The following CACNA2D3 variants were observed in gnomAD, a reference collection of about 807,000 sequenced individuals.
The protein encoded by CACNA2D3 is voltage-dependent calcium channel subunit alpha-2/delta-3.
In CACNA2D3, 60 loss-of-function variants were observed where a neutral mutation model predicts 160.6. That is an observed-to-expected ratio of 0.37 (90% CI 0.30 to 0.46). CACNA2D3 has a LOEUF of 0.46. Among genes scored for constraint, CACNA2D3 ranks in the 20% least tolerant of loss-of-function variants. CACNA2D3 has a pLI of 1.00. For synonymous variants in CACNA2D3, 558 were observed against 492.9 expected, an observed-to-expected ratio of 1.13 and a Z score of -1.75; for missense variants, 1,205 against 1,365.0, an observed-to-expected ratio of 0.88 and a Z score of 1.85.
intron 3 of CACNA2D3, among the ~76,000 whole-genome samples, chr3:54,354,469 A>C (rs1440711948): frequency 6.6e-6 from 1 of 152,158 alleles, no homozygotes; most frequent in Non-Finnish European, 1.5e-5. Context: ...ATTTAAAAAA[A>C]ATGACAAACA....
chr3:55,041,386 A>T (rs1424000711), intron 35 of CACNA2D3, among the ~76,000 whole-genome samples: 1 of 152,216 alleles, frequency 6.6e-6, no homozygotes, highest in Non-Finnish European at 1.5e-5. Flanking sequence ...CTAGTAATGT[A>T]TGCAAGTACC....
intron 5 of CACNA2D3, among the ~76,000 whole-genome samples, chr3:54,558,934 C>T (rs1702281259): frequency 6.6e-6 from 1 of 152,098 alleles, no homozygotes; most frequent in East Asian, 1.9e-4. Context: ...TGGAGGAGAA[C>T]AAGGGATCTA....
At chr3:55,019,727 G>A (rs55722116) in intron 35 of CACNA2D3, among the ~76,000 whole-genome samples, 39,357 of 151,802 alleles carry the variant, frequency 0.26, 5,288 homozygotes, top group African/African-American at 0.33. Flanking sequence ...TCTAGTCTCC[G>A]TACTTAATTA....
chr3:54,838,747 T>G, intron 16 of CACNA2D3, 99 bp downstream of exon 16: 1 of 878,738 alleles, frequency 1.1e-6, no homozygotes, highest in Non-Finnish European at 1.9e-6. Context: ...GAGCGATGTT[T>G]TTGCTCACCA....
chr3:54,813,558 A>G (rs1703380662), intron 13 of CACNA2D3, among the ~76,000 whole-genome samples: 1 of 152,110 alleles, frequency 6.6e-6, no homozygotes, highest in South Asian at 2.1e-4. Flanking sequence ...GGGGGTGTTG[A>G]TTCAAGGATT....
intron 11 of CACNA2D3, among the ~76,000 whole-genome samples, chr3:54,749,340 G>A (rs1179438137): frequency 3.3e-5 from 5 of 152,190 alleles, no homozygotes; most frequent in Non-Finnish European, 7.3e-5. Flanking sequence ...TAAAGACTTA[G>A]AATTTAACAG....
chr3:54,971,662 A>C (rs183190270), intron 29 of CACNA2D3, among the ~76,000 whole-genome samples: 2 of 152,350 alleles, frequency 1.3e-5, no homozygotes, highest in East Asian at 3.9e-4. Context: ...GCCTCAGTGC[A>C]TCCTTATATA....
chr3:54,175,276 A>G (rs1700652910), intron 2 of CACNA2D3, among the ~76,000 whole-genome samples: 2 of 152,046 alleles, frequency 1.3e-5, no homozygotes, highest in African/African-American at 2.4e-5. Context: ...GCCATGGGGG[A>G]TGTTTCCTCT....
At chr3:54,594,659 G>T (rs995972499) in intron 9 of CACNA2D3, among the ~76,000 whole-genome samples, 1 of 152,186 alleles carries the variant, frequency 6.6e-6, no homozygotes, top group Non-Finnish European at 1.5e-5. Context: ...TAACTGGAGG[G>T]CAAGAAGACT....
At chr3:55,073,726 T>G (rs1382022067) in intron 36 of CACNA2D3, 51 bp from the exon 37 acceptor site, 5 of 1,491,542 alleles carry the variant, frequency 3.4e-6, no homozygotes, top group Non-Finnish European at 4.7e-6. Context: ...ACCTCTGAAA[T>G]GCAGAGTAGA....
intron 4 of CACNA2D3, among the ~76,000 whole-genome samples, chr3:54,420,331 C>T (rs1699819086): frequency 6.6e-6 from 1 of 152,182 alleles, no homozygotes; most frequent in African/African-American, 2.4e-5. Context: ...GATCCACCCA[C>T]CTTGGCCTCC....
intron 14 of CACNA2D3, among the ~76,000 whole-genome samples, chr3:54,824,862 ATAAAGT>A (rs1703717916): frequency 6.6e-6 from 1 of 152,188 alleles, no homozygotes; most frequent in Non-Finnish European, 1.5e-5. Context: ...GACACATTTA[ATAAAGT>A]TAAAGCAGAA....
intron 26 of CACNA2D3, 46 bp downstream of exon 26, chr3:54,896,916 G>T (rs776872507): frequency 1.2e-6 from 2 of 1,612,916 alleles, no homozygotes; most frequent in East Asian, 4.5e-5. Context: ...TGGTCCAGTG[G>T]GTCTGGGCAT....
intron 13 of CACNA2D3, among the ~76,000 whole-genome samples, chr3:54,788,143 T>C (rs1702676425): frequency 6.6e-6 from 1 of 152,206 alleles, no homozygotes; most frequent in African/African-American, 2.4e-5. Flanking sequence ...CTTCATATTT[T>C]CTTTTATCTT....
intron 15 of CACNA2D3, among the ~76,000 whole-genome samples, 165 bp downstream of exon 15, chr3:54,837,395 G>A (rs1437933771): frequency 6.6e-6 from 1 of 152,114 alleles, no homozygotes; most frequent in Non-Finnish European, 1.5e-5. Context: ...AAACAGATGA[G>A]AGGAACCCAG....
chr3:54,375,313 C>A (rs530782369), intron 3 of CACNA2D3, among the ~76,000 whole-genome samples: 2 of 152,178 alleles, frequency 1.3e-5, no homozygotes, highest in Admixed American at 1.3e-4. Context: ...CTTATATTCC[C>A]AGATGAACAC....
intron 27 of CACNA2D3, among the ~76,000 whole-genome samples, chr3:54,941,231 T>TA (rs1701458876): frequency 6.6e-6 from 1 of 152,006 alleles, no homozygotes; most frequent in Admixed American, 6.6e-5. Context: ...GTCCAAAAAG[T>TA]AAAAAAACAG....
At chr3:54,138,316 T>C (rs2107263413) in intron 2 of CACNA2D3, among the ~76,000 whole-genome samples, 1 of 152,242 alleles carries the variant, frequency 6.6e-6, no homozygotes, top group South Asian at 2.1e-4. Flanking sequence ...AATTTGGAGA[T>C]GGCATGCTGG....
At chr3:54,727,091 G>GT (rs1701291576) in intron 11 of CACNA2D3, among the ~76,000 whole-genome samples, 2 of 152,162 alleles carry the variant, frequency 1.3e-5, no homozygotes, top group Non-Finnish European at 2.9e-5. Flanking sequence ...CAAAAAGTGG[G>GT]CAAAGGATAT....
Sources: allele counts gnomAD v4.1 joint callset (sites outside exome capture counted in the v4.1 genomes callset), GRCh38; gene constraint gnomAD v4.1.1; transcripts MANE v1.5; gene names NCBI Gene and HGNC (gene_info 2026-07-23, HGNC 2026-07-21).